Variants in LAMA2 observed in about 807,000 individuals in gnomAD.
The protein encoded by LAMA2 is laminin subunit alpha 2.
A neutral mutation model predicts 364.8 loss-of-function variants in LAMA2; 269 were observed. The observed-to-expected ratio is 0.74, with a 90% CI of 0.67 to 0.82. The LOEUF is 0.82. Among genes scored for constraint, LAMA2 ranks in the 40% least tolerant of loss-of-function variants. The probability of loss-of-function intolerance (pLI) is 0.00; values close to 1 mark genes in which losing one functional copy is unlikely to be tolerated. For synonymous variants in LAMA2, 1,379 were observed against 1,370.6 expected (o/e 1.01, Z -0.14); for missense variants, 3,807 against 3,873.2 (o/e 0.98, Z 0.45).
At chr6:129,401,728 T>C (rs1263376700) in intron 38 of LAMA2, among the ~76,000 whole-genome samples, 1 of 152,236 alleles carries the variant, frequency 6.6e-6, no homozygotes, top group Admixed American at 6.5e-5. Context: ...TGATATGTGG[T>C]CATAGAAATG....
intron 3 of LAMA2, among the ~76,000 whole-genome samples, chr6:129,069,878 T>C (rs1773199445): frequency 6.7e-6 from 1 of 150,026 alleles, no homozygotes; most frequent in Admixed American, 6.7e-5. Flanking sequence ...ATGTATTAGC[T>C]ATATGTATTT....
intron 40 of LAMA2, among the ~76,000 whole-genome samples, chr6:129,426,510 T>C (rs1435893427): frequency 6.6e-6 from 1 of 152,090 alleles, no homozygotes; most frequent in Non-Finnish European, 1.5e-5. Context: ...GATGTTACTG[T>C]ATCTAATTCC....
intron 58 of LAMA2, 68 bp downstream of exon 58, chr6:129,492,551 A>AGATT: frequency 1.4e-6 from 2 of 1,392,000 alleles, no homozygotes; most frequent in African/African-American, 2.8e-5. Flanking sequence ...TTCAGAAGGA[A>AGATT]GATTATTCAG....
At chr6:129,505,389 A>G (rs1785978797) in intron 61 of LAMA2, 34 bp downstream of exon 61, 10 of 1,545,236 alleles carry the variant, frequency 6.5e-6, no homozygotes, top group Admixed American at 1.7e-5. Flanking sequence ...TTACTTAAAT[A>G]TATGGCTGAT....
intron 1 of LAMA2, among the ~76,000 whole-genome samples, chr6:129,019,402 T>G (rs2114710866): frequency 6.6e-6 from 1 of 151,802 alleles, no homozygotes. Context: ...AGTCAAATTT[T>G]TACCTTGTTG....
intron 4 of LAMA2, among the ~76,000 whole-genome samples, chr6:129,137,463 A>G (rs1260259800): frequency 6.6e-6 from 1 of 152,102 alleles, no homozygotes; most frequent in Non-Finnish European, 1.5e-5. Context: ...CTCTACTAGT[A>G]TATTTAATAA....
At chr6:129,076,331 G>T (rs1773630234) in intron 3 of LAMA2, among the ~76,000 whole-genome samples, 2 of 150,674 alleles carry the variant, frequency 1.3e-5, no homozygotes, top group African/African-American at 4.9e-5. Context: ...TGGCAATGCA[G>T]ATGCTGTGAG....
At chr6:129,307,414 T>C (rs2114479785) in intron 22 of LAMA2, among the ~76,000 whole-genome samples, 1 of 152,342 alleles carries the variant, frequency 6.6e-6, no homozygotes, top group East Asian at 1.9e-4. Flanking sequence ...TACCTTTCTA[T>C]CTAACTTCTT....
At chr6:129,318,490 G>C (rs1373580588) in intron 27 of LAMA2, among the ~76,000 whole-genome samples, 1 of 152,076 alleles carries the variant, frequency 6.6e-6, no homozygotes, top group Non-Finnish European at 1.5e-5. Flanking sequence ...AAACACTTGC[G>C]GGTCTGTTAT....
intron 40 of LAMA2, among the ~76,000 whole-genome samples, chr6:129,422,313 A>G (rs1781116358): frequency 6.6e-6 from 1 of 152,150 alleles, no homozygotes; most frequent in Non-Finnish European, 1.5e-5. Context: ...CCTGGAAGCA[A>G]AGAGCAGGTG....
At chr6:129,332,673 C>T (rs1275105021) in intron 29 of LAMA2, among the ~76,000 whole-genome samples, 1 of 152,126 alleles carries the variant, frequency 6.6e-6, no homozygotes, top group Non-Finnish European at 1.5e-5. Flanking sequence ...ACGCATTTCT[C>T]ATATAAAAAT....
chr6:129,505,776 C>T (rs980562112), intron 61 of LAMA2, among the ~76,000 whole-genome samples: 2 of 151,972 alleles, frequency 1.3e-5, no homozygotes, highest in African/African-American at 4.8e-5. Context: ...TCATGATCCG[C>T]CTGCCTCGGC....
chr6:129,078,212 G>A (rs1773785974), intron 3 of LAMA2, among the ~76,000 whole-genome samples: 1 of 151,618 alleles, frequency 6.6e-6, no homozygotes, highest in Non-Finnish European at 1.5e-5. Context: ...TCGGCTCACT[G>A]CAGCCTCCGC....
At chr6:128,926,059 A>T (rs1368878160) in intron 1 of LAMA2, among the ~76,000 whole-genome samples, 1 of 152,132 alleles carries the variant, frequency 6.6e-6, no homozygotes, top group East Asian at 1.9e-4. Context: ...GTTTCACCAG[A>T]TCTAGGATTT....
intron 62 of LAMA2, among the ~76,000 whole-genome samples, chr6:129,507,944 T>G (rs1786237294): frequency 2.6e-5 from 4 of 152,094 alleles, no homozygotes. Flanking sequence ...GTTTATACTA[T>G]GTTGTTTTTC....
intron 19 of LAMA2, 52 bp from the exon 20 acceptor site, chr6:129,291,562 A>G (rs1258674624): frequency 5.6e-6 from 7 of 1,241,634 alleles, no homozygotes; most frequent in African/African-American, 1.5e-5. Context: ...TAACAAGCCT[A>G]TTAAGACTAT....
chr6:129,320,502 G>A (rs1290557203), intron 27 of LAMA2, 36 bp from the exon 28 acceptor site: 1 of 1,205,928 alleles, frequency 8.3e-7, no homozygotes, highest in South Asian at 1.2e-5. Context: ...TTAACTGACT[G>A]TCATAGTAAT....
intron 1 of LAMA2, among the ~76,000 whole-genome samples, chr6:128,920,603 G>A (rs1369911865): frequency 6.6e-6 from 1 of 151,336 alleles, no homozygotes; most frequent in African/African-American, 2.4e-5. Context: ...CCTAGTTTAT[G>A]TGCTTCCTTT....
At position 129,311,006 on chromosome 6, in the gene LAMA2, A is replaced by G. The variant is rs527489483; in HGVS notation, c.3175-1855A>G. Among the ~76,000 whole-genome samples the G allele has an allele frequency of 2.0e-5, 3 of 152,240 alleles. No homozygotes were observed. The South Asian group carries it at 6.2e-4, about 32-fold the overall frequency. ...AAGGTCAGAGCGTGTGTGCAGACCA[A>G]AGCTAGTCAGAAGGGTGCCTATGGA... On this transcript the variant is annotated intron_variant, in intron 22 of 64. Coordinates refer to ENST00000421865, the MANE Select transcript of LAMA2 (RefSeq NM_000426.4).
Sources: gnomAD v4.1 joint callset for allele counts (sites outside exome capture counted in the v4.1 genomes callset) on GRCh38, gnomAD v4.1.1 for gene constraint, MANE v1.5 for transcripts, NCBI Gene and HGNC (gene_info 2026-07-23, HGNC 2026-07-21) for gene names.